C6orf118: variants seen among roughly 807,000 people sequenced by gnomAD.
C6orf118 encodes the protein uncharacterized protein C6orf118.
A neutral mutation model predicts 50.2 loss-of-function variants in C6orf118; 50 were observed. That is an observed-to-expected ratio of 1.00 (90% confidence interval 0.79 to 1.26). The LOEUF (loss-of-function observed/expected upper bound fraction) is 1.26, where lower values mean the gene tolerates loss of function less well. C6orf118 is among the 50% of genes most tolerant of loss of function. The pLI is 0.00. For missense variants in C6orf118, 641 were observed against 578.7 expected (o/e 1.11, Z -1.10); for synonymous variants, 239 against 230.9 (o/e 1.03, Z -0.32).
At chr6:165,280,557 C>T (rs1380489928) in intron 8 of C6orf118, among the ~76,000 whole-genome samples, 1 of 152,180 alleles carries the variant, frequency 6.6e-6, no homozygotes, top group South Asian at 2.1e-4. Context: ...TTTTCTGCCC[C>T]ATAAGCTGGA....
Position 165,300,383 on chromosome 6 carries a change from T to G in C6orf118, c.857A>C (p.Asp286Ala). 6.2e-7 allele frequency: 1 copy of G among 1,614,004 alleles called. No homozygotes were observed. Among genetic ancestry groups the G allele is most frequent in the Middle Eastern group, 1.6e-4 (1 of 6,062 alleles). ...DICNSSLIFGDLLKKVKDEYE... is the reference protein window; with the variant it reads ...DICNSSLIFGALLKKVKDEYE... ...TCTTACCTTAACTTTTTTCAAGAGA[T>G]CACCAAATATCAAAGAACTGTTACA... Residue 286 changes from aspartate to alanine, a missense_variant, in exon 3 of 9, where the codon GAT becomes GCT. Transcript: ENST00000230301.
At chr6:165,286,399 G>A (rs1488207015) in intron 7 of C6orf118, among the ~76,000 whole-genome samples, 1 of 152,012 alleles carries the variant, frequency 6.6e-6, no homozygotes, top group African/African-American at 2.4e-5. Flanking sequence ...CCAAACAATT[G>A]AAAAGGAGGG....
chr6:165,289,465 G>A (rs114392839), intron 7 of C6orf118, among the ~76,000 whole-genome samples: 3,244 of 152,142 alleles, frequency 0.021, 118 homozygotes, highest in African/African-American at 0.074. Flanking sequence ...GGATTTAGGG[G>A]TATGAGTGCA....
intron 7 of C6orf118, chr6:165,282,123 A>G (rs1198432910): frequency 6.6e-6 from 1 of 152,524 alleles, no homozygotes; most frequent in Non-Finnish European, 1.5e-5. Context: ...CATCCCATAA[A>G]CTCATAAGAA....
intron 5 of C6orf118, among the ~76,000 whole-genome samples, chr6:165,293,960 C>T (rs916482283): frequency 6.6e-6 from 1 of 152,008 alleles, no homozygotes; most frequent in Non-Finnish European, 1.5e-5. Flanking sequence ...AAATAAAATA[C>T]AAGAGGCCGG....
chr6:165,290,467 C>T (rs1369420105), intron 6 of C6orf118, among the ~76,000 whole-genome samples: 3 of 152,042 alleles, frequency 2.0e-5, no homozygotes, highest in Admixed American at 1.3e-4. Context: ...TCAGGGATGA[C>T]TTTGCCAGAG....
At chr6:165,296,250 G>GTT (rs56394079) in intron 5 of C6orf118, among the ~76,000 whole-genome samples, 24 of 103,368 alleles carry the variant, frequency 2.3e-4, no homozygotes, top group African/African-American at 6.5e-4. Context: ...TTCGTTTTTT[G>GTT]TTTTTTTTTT....
At chr6:165,302,353 A>T in intron 1 of C6orf118, 57 bp from the exon 2 acceptor site, 1 of 1,567,874 alleles carries the variant, frequency 6.4e-7, no homozygotes, top group Non-Finnish European at 8.6e-7. Context: ...ACAGTAAGTC[A>T]GCTGGTGCAC....
chr6:165,286,207 A>C (rs971043525), intron 7 of C6orf118, among the ~76,000 whole-genome samples: 5 of 152,124 alleles, frequency 3.3e-5, no homozygotes, highest in Non-Finnish European at 7.4e-5. Flanking sequence ...GGACACATGC[A>C]CCCTCCCAAG....
At chr6:165,291,064 GA>G (rs979756443) in intron 6 of C6orf118, among the ~76,000 whole-genome samples, 1 of 152,086 alleles carries the variant, frequency 6.6e-6, no homozygotes, top group African/African-American at 2.4e-5. Context: ...TAGTATGGGG[GA>G]AACTGTCCTC....
At chr6:165,301,002 C>T (rs1401431232) in intron 2 of C6orf118, among the ~76,000 whole-genome samples, 1 of 152,114 alleles carries the variant, frequency 6.6e-6, no homozygotes, top group Non-Finnish European at 1.5e-5. Context: ...CACCGTCAGC[C>T]AGGCAAGCCC....
chr6:165,279,695 C>A lies in C6orf118; in HGVS notation c.*362G>T. The A allele has an allele frequency of 5.7e-6, 1 of 175,634 alleles. No individual in the cohort carries two copies. The highest frequency in any genetic ancestry group is 1.2e-5 in the Non-Finnish European group (1 of 83,998). 10.9% of individuals were successfully genotyped at this position (175,634 alleles called of 1,614,324 possible). ...AATCACTATAAAATTTTATTAAATG[C>A]ATATATGTAAACTTGTGTTGGCAAA... On this transcript the variant is annotated 3_prime_UTR_variant, in exon 9 of 9. Transcript: ENST00000230301.
At chr6:165,292,065 A>G (rs1780123593) in intron 6 of C6orf118, among the ~76,000 whole-genome samples, 1 of 152,190 alleles carries the variant, frequency 6.6e-6, no homozygotes, top group Admixed American at 6.5e-5. Context: ...TTAAGCTTCT[A>G]CACAAACTGA....
At position 165,300,905 on chromosome 6, in the gene C6orf118, G is replaced by A. The variant is rs575644907; in HGVS notation, c.754-419C>T. Among the ~76,000 whole-genome samples the A allele has an allele frequency of 2.1e-5, 3 of 140,706 alleles. No homozygotes were observed. In the South Asian group the frequency reaches 6.2e-4, roughly 29 times the overall value. 92.3% of individuals were successfully genotyped at this position (140,706 alleles called of 152,430 possible). A position where few individuals can be genotyped will look rare whatever the true frequency, so the allele number is the denominator to read the frequency against. On this transcript the variant is annotated intron_variant, in intron 2 of 8. Transcript: ENST00000230301. ...TTCTCCTCTGAGTCGGCAGCCTACC[G>A]TAGATCTTCTGTACACATGTGCTGC...
intron 8 of C6orf118, 47 bp downstream of exon 8, chr6:165,281,593 G>T: frequency 6.8e-7 from 1 of 1,478,708 alleles, no homozygotes; most frequent in Non-Finnish European, 9.0e-7. Flanking sequence ...GCAGTCACCA[G>T]AGGAAATATT....
In C6orf118 at chr6:165,303,054, T is replaced by C. The variant is rs76545797; in HGVS notation, c.26-758A>G. On this transcript the variant is annotated intron_variant, in intron 1 of 8. Coordinates refer to ENST00000230301, the MANE Select transcript of C6orf118 (RefSeq NM_144980.4). ...TTTGCCCCCTTCATTTGCTGTTTTC[T>C]AACCTAAGAAGGAGAGTTTCTTTCT... Among the ~76,000 whole-genome samples the C allele has an allele frequency of 3.0e-3, 461 of 152,332 alleles. 2 individuals are homozygous for C. Among genetic ancestry groups the C allele is most frequent in the African/African-American group, 0.011 (442 of 41,574 alleles).
At chr6:165,303,358 A>T (rs1780631741) in intron 1 of C6orf118, among the ~76,000 whole-genome samples, 1 of 151,680 alleles carries the variant, frequency 6.6e-6, no homozygotes, top group Admixed American at 6.6e-5. Flanking sequence ...AATGCCTACA[A>T]GAGAAAGCAG....
intron 6 of C6orf118, among the ~76,000 whole-genome samples, chr6:165,290,462 G>A (rs1780069352): frequency 2.0e-5 from 3 of 152,178 alleles, no homozygotes; most frequent in Non-Finnish European, 4.4e-5. Context: ...AAGGCTCAGG[G>A]ATGACTTTGC....
chr6:165,307,552 C>T (rs1212562639), intron 1 of C6orf118, among the ~76,000 whole-genome samples: 3 of 103,224 alleles, frequency 2.9e-5, no homozygotes, highest in African/African-American at 1.8e-4. Flanking sequence ...AGTGAGACTG[C>T]CTCAAAAAAA....
Sources: allele counts gnomAD v4.1 joint callset (sites outside exome capture counted in the v4.1 genomes callset), GRCh38; gene constraint gnomAD v4.1.1; transcripts MANE v1.5; gene names NCBI Gene and HGNC (gene_info 2026-07-23, HGNC 2026-07-21).